FAAH2: variants seen among roughly 807,000 people sequenced by gnomAD.
The protein encoded by FAAH2 is fatty acid amide hydrolase 2.
In FAAH2, 60 loss-of-function variants were observed where a neutral mutation model predicts 36.9. The ratio of observed to expected loss-of-function variants is 1.63; its 90% CI spans 1.32 to 2.02. FAAH2 has a LOEUF of 2.02. Among genes scored for constraint, FAAH2 ranks in the 30% most tolerant of loss-of-function variants. The pLI is 0.00. For missense variants in FAAH2, 689 were observed against 397.5 expected, an observed-to-expected ratio of 1.73 and a Z score of -6.23; for synonymous variants, 214 against 143.8, an observed-to-expected ratio of 1.49 and a Z score of -3.49.
intron 10 of FAAH2, among the ~76,000 whole-genome samples, chrX:57,471,741 A>G (rs1019924802): frequency 8.9e-5 from 10 of 111,816 alleles, no homozygotes; most frequent in South Asian, 3.7e-4. Context: ...GGAAAAAACT[A>G]CTTTAAAGTT....
chrX:57,373,502 G>A (rs180983089), intron 5 of FAAH2, among the ~76,000 whole-genome samples: 3 of 109,858 alleles, frequency 2.7e-5, no homozygotes, highest in African/African-American at 9.9e-5. Context: ...TTTTTCATAT[G>A]TTTGTTGGCC....
chrX:57,138,796 C>A, the FAAH2 span, among the ~76,000 whole-genome samples: 2 of 111,774 alleles, frequency 1.8e-5, no homozygotes, highest in South Asian at 3.7e-4. Context: ...TTTTGATATA[C>A]AATTACCTGA....
intron 10 of FAAH2, among the ~76,000 whole-genome samples, chrX:57,486,319 T>C (rs1186858678): frequency 1.8e-5 from 2 of 111,360 alleles, no homozygotes. Context: ...TATTAAGTGT[T>C]AGTGGGATTG....
At chrX:57,307,186 TTCTC>T (rs903980855) in intron 2 of FAAH2, among the ~76,000 whole-genome samples, 2 of 104,586 alleles carry the variant, frequency 1.9e-5, no homozygotes, top group Non-Finnish European at 3.9e-5. Flanking sequence ...CATCTTTCTA[TTCTC>T]TCTGTTTGGG....
At chrX:57,247,290 T>G in the FAAH2 span, among the ~76,000 whole-genome samples, 1 of 108,783 alleles carries the variant, frequency 9.2e-6, no homozygotes, top group Non-Finnish European at 1.9e-5. Flanking sequence ...ATAAGAAAAG[T>G]TTTTTTTACC....
chrX:57,304,481 G>T (rs996811856), intron 2 of FAAH2, among the ~76,000 whole-genome samples: 1 of 111,678 alleles, frequency 9.0e-6, no homozygotes, highest in African/African-American at 3.3e-5. Flanking sequence ...TCTTCTCATT[G>T]TCATAAGATG....
the FAAH2 span, among the ~76,000 whole-genome samples, chrX:57,145,606 G>A: frequency 8.9e-6 from 1 of 111,741 alleles, no homozygotes; most frequent in African/African-American, 3.2e-5. Flanking sequence ...ATTCGCTTTT[G>A]GGTTCTTGGT....
At chrX:57,135,423 C>T in the FAAH2 span, 1 of 181,458 alleles carries the variant, frequency 5.5e-6, no homozygotes, top group Non-Finnish European at 1.0e-5. Context: ...CCACCTCTTC[C>T]TAAGCAGTCA....
At chrX:57,198,657 A>G in the FAAH2 span, among the ~76,000 whole-genome samples, 1 of 112,321 alleles carries the variant, frequency 8.9e-6, no homozygotes, top group African/African-American at 3.2e-5. Flanking sequence ...GTTCAGCTTG[A>G]GGTTTTCTTC....
At chrX:57,183,527 G>A in the FAAH2 span, among the ~76,000 whole-genome samples, 1 of 111,586 alleles carries the variant, frequency 9.0e-6, no homozygotes, top group Non-Finnish European at 1.9e-5. Context: ...CTGGAGCCAT[G>A]GCAGAGGAAC....
At chrX:57,457,563 G>T (rs2056883446) in intron 10 of FAAH2, among the ~76,000 whole-genome samples, 1 of 110,663 alleles carries the variant, frequency 9.0e-6, no homozygotes, top group Non-Finnish European at 1.9e-5. Context: ...ACTCTGCTAA[G>T]TCTCCTGGAA....
At chrX:57,344,874 G>A (rs1446689034) in intron 5 of FAAH2, among the ~76,000 whole-genome samples, 1 of 111,348 alleles carries the variant, frequency 9.0e-6, no homozygotes, top group Non-Finnish European at 1.9e-5. Context: ...TTCTGTGTAT[G>A]TGGTAAATCA....
chrX:57,454,806 G>A (rs1444516669), intron 10 of FAAH2, among the ~76,000 whole-genome samples: 1 of 111,940 alleles, frequency 8.9e-6, no homozygotes, highest in Non-Finnish European at 1.9e-5. Flanking sequence ...ATGGGATTAT[G>A]TAAAGATACC....
the FAAH2 span, among the ~76,000 whole-genome samples, chrX:57,143,124 G>A: frequency 1.8e-5 from 2 of 110,852 alleles, no homozygotes; most frequent in Non-Finnish European, 3.8e-5. Context: ...ATTACGGATA[G>A]GTAAGGACTT....
At chrX:57,369,559 T>C (rs138129832) in intron 5 of FAAH2, among the ~76,000 whole-genome samples, 124 of 111,820 alleles carry the variant, frequency 1.1e-3, no homozygotes, top group African/African-American at 4.0e-3. Flanking sequence ...GAGAATGGGA[T>C]GGTATATCAA....
the FAAH2 span, among the ~76,000 whole-genome samples, chrX:57,207,400 C>T: frequency 2.9e-3 from 324 of 111,775 alleles, 1 homozygote; most frequent in Non-Finnish European, 4.9e-3. Flanking sequence ...ATGGCCAGTG[C>T]TGTAGAGAAA....
At chrX:57,196,570 T>C in the FAAH2 span, among the ~76,000 whole-genome samples, 2 of 111,798 alleles carry the variant, frequency 1.8e-5, no homozygotes, top group Admixed American at 9.5e-5. Context: ...TCTTGAATGA[T>C]TGCTTTGATT....
At chrX:57,433,056 T>C (rs2056338183) in intron 8 of FAAH2, among the ~76,000 whole-genome samples, 1 of 110,863 alleles carries the variant, frequency 9.0e-6, no homozygotes, top group Non-Finnish European at 1.9e-5. Context: ...GAACAAAACG[T>C]TTATACAAAT....
chrX:57,348,182 G>A (rs1174899958), intron 5 of FAAH2, among the ~76,000 whole-genome samples: 3 of 110,175 alleles, frequency 2.7e-5, no homozygotes, highest in Non-Finnish European at 3.8e-5. Flanking sequence ...CCTGCAGATT[G>A]CACAACCCCA....
Sources: allele counts gnomAD v4.1 joint callset (sites outside exome capture counted in the v4.1 genomes callset), GRCh38; gene constraint gnomAD v4.1.1; transcripts MANE v1.5; gene names NCBI Gene and HGNC (gene_info 2026-07-23, HGNC 2026-07-21).